TAF2: variants seen among roughly 807,000 people sequenced by gnomAD.
The protein encoded by TAF2 is transcription initiation factor TFIID subunit 2.
Under a neutral mutation model 138.5 loss-of-function variants are expected in TAF2, and 61 were observed. The observed-to-expected ratio is 0.44, with a 90% confidence interval of 0.36 to 0.54. TAF2 has a LOEUF of 0.54. Among genes scored for constraint, TAF2 ranks in the 20% least tolerant of loss-of-function variants. The pLI is 0.00. For missense variants in TAF2, 1,090 were observed against 1,427.9 expected, an observed-to-expected ratio of 0.76 and a Z score of 3.81; for synonymous variants, 475 against 469.9, an observed-to-expected ratio of 1.01 and a Z score of -0.14.
intron 3 of TAF2, among the ~76,000 whole-genome samples, chr8:119,817,890 T>TG (rs1232803968): frequency 6.6e-6 from 1 of 152,202 alleles, no homozygotes; most frequent in Non-Finnish European, 1.5e-5. Flanking sequence ...TTTTGTTTTC[T>TG]GGGGGGAAAG....
chr8:119,750,687 G>A (rs1045303197), intron 22 of TAF2, among the ~76,000 whole-genome samples: 4 of 151,972 alleles, frequency 2.6e-5, no homozygotes, highest in African/African-American at 7.3e-5. Context: ...GGAGAGAGAC[G>A]GTGGGACAGA....
intron 16 of TAF2, 48 bp downstream of exon 16, chr8:119,783,333 A>G (rs1391958926): frequency 1.3e-6 from 2 of 1,577,910 alleles, no homozygotes; most frequent in Non-Finnish European, 1.7e-6. Context: ...TCAGAGATAC[A>G]AAAAATATAT....
At chr8:119,832,171 T>TTA (rs1826497064) in intron 1 of TAF2, among the ~76,000 whole-genome samples, 1 of 137,914 alleles carries the variant, frequency 7.3e-6, no homozygotes, top group African/African-American at 2.7e-5. Flanking sequence ...ATTAAAAAAT[T>TTA]AAAAAAAAAA....
chr8:119,735,130 C>G (rs543546845), intron 25 of TAF2, among the ~76,000 whole-genome samples: 1 of 152,260 alleles, frequency 6.6e-6, no homozygotes, highest in African/African-American at 2.4e-5. Flanking sequence ...TACTCTTAAC[C>G]ACGATGCTAC....
intron 18 of TAF2, among the ~76,000 whole-genome samples, chr8:119,763,478 C>A (rs1163875902): frequency 6.6e-6 from 1 of 150,846 alleles, no homozygotes; most frequent in South Asian, 2.1e-4. Context: ...GCCTGTAATC[C>A]CAGCACTTTG....
At chr8:119,823,017 C>G (rs945802637) in intron 2 of TAF2, among the ~76,000 whole-genome samples, 4 of 152,122 alleles carry the variant, frequency 2.6e-5, no homozygotes, top group African/African-American at 4.8e-5. Flanking sequence ...TCCAATGGTC[C>G]TTTAGCACCC....
intron 22 of TAF2, among the ~76,000 whole-genome samples, chr8:119,750,103 T>C (rs1820247097): frequency 6.6e-6 from 1 of 152,108 alleles, no homozygotes; most frequent in South Asian, 2.1e-4. Flanking sequence ...ACTGATCAAC[T>C]AGGCCGAGGC....
intron 25 of TAF2, among the ~76,000 whole-genome samples, chr8:119,738,524 G>A (rs1819384882): frequency 1.3e-5 from 2 of 152,094 alleles, no homozygotes; most frequent in African/African-American, 4.8e-5. Flanking sequence ...ATCAGAGAAA[G>A]GAGATACATT....
At chr8:119,791,268 T>A in intron 11 of TAF2, 56 bp downstream of exon 11, 7 of 1,593,790 alleles carry the variant, frequency 4.4e-6, no homozygotes, top group Non-Finnish European at 6.0e-6. Flanking sequence ...CATACTCAGA[T>A]TATACACATA....
intron 19 of TAF2, among the ~76,000 whole-genome samples, chr8:119,762,055 T>TA (rs1821101409): frequency 6.6e-6 from 1 of 151,900 alleles, no homozygotes; most frequent in African/African-American, 2.4e-5. Flanking sequence ...AAAGTCATCT[T>TA]AAAAAAAGGC....
chr8:119,743,162 A>G (rs1429482810), intron 24 of TAF2, among the ~76,000 whole-genome samples: 2 of 152,194 alleles, frequency 1.3e-5, no homozygotes, highest in Non-Finnish European at 2.9e-5. Flanking sequence ...TACACTGATG[A>G]CAAGTGCTAT....
chr8:119,831,451 T>C lies in TAF2; in HGVS notation c.138+226A>G, dbSNP rs553756039. ...TACACCAGATAAAGAGGAATAAAAT[T>C]TTAATTAGGAAATTGAAAAAAAAGG... is the stretch of plus-strand genomic sequence containing the variant. On this transcript the variant is annotated intron_variant, in intron 2 of 25. Transcript: ENST00000378164. Among the ~76,000 whole-genome samples, 104 of 152,264 alleles carry C rather than the reference T, an allele frequency of 6.8e-4. 3 individuals carry two copies. The South Asian group carries it at 0.012, about 18-fold the overall frequency.
At chr8:119,809,050 C>T (rs1477145709) in intron 3 of TAF2, among the ~76,000 whole-genome samples, 1 of 152,188 alleles carries the variant, frequency 6.6e-6, no homozygotes, top group Admixed American at 6.5e-5. Context: ...GCACTGACTT[C>T]TTTTTAGCTG....
At chr8:119,762,080 G>A (rs576600375) in intron 19 of TAF2, among the ~76,000 whole-genome samples, 8 of 152,104 alleles carry the variant, frequency 5.3e-5, no homozygotes, top group African/African-American at 1.9e-4. Flanking sequence ...AATAGAGAAT[G>A]TTTATATAAA....
intron 18 of TAF2, among the ~76,000 whole-genome samples, chr8:119,766,074 T>A (rs1353105725): frequency 6.6e-6 from 1 of 152,234 alleles, no homozygotes; most frequent in African/African-American, 2.4e-5. Context: ...TGATATACAC[T>A]ACAACTATGA....
chr8:119,732,513 C>T (rs931495452), intron 25 of TAF2, among the ~76,000 whole-genome samples: 6 of 151,838 alleles, frequency 4.0e-5, no homozygotes, highest in African/African-American at 1.5e-4. Flanking sequence ...AGGTTAAGAC[C>T]CACACTGGGT....
At chr8:119,780,979 T>G in intron 17 of TAF2, 74 bp downstream of exon 17, 3 of 1,100,376 alleles carry the variant, frequency 2.7e-6, no homozygotes, top group East Asian at 2.6e-5. Flanking sequence ...AGTAAACACA[T>G]CTATTATTTG....
chr8:119,823,678 G>T (rs1457871392), intron 2 of TAF2, among the ~76,000 whole-genome samples: 3 of 152,138 alleles, frequency 2.0e-5, no homozygotes, highest in African/African-American at 2.4e-5. Flanking sequence ...CCAACAGAGT[G>T]GGGTGCTGAT....
At chr8:119,804,428 A>G (rs759197311) in intron 4 of TAF2, among the ~76,000 whole-genome samples, 8 of 152,194 alleles carry the variant, frequency 5.3e-5, no homozygotes, top group Non-Finnish European at 8.8e-5. Flanking sequence ...TGCAGCGCCC[A>G]TAACTCCCAT....
Sources: allele counts gnomAD v4.1 joint callset (sites outside exome capture counted in the v4.1 genomes callset), GRCh38; gene constraint gnomAD v4.1.1; transcripts MANE v1.5; gene names NCBI Gene and HGNC (gene_info 2026-07-23, HGNC 2026-07-21).